Variants in TUBB8B observed in about 807,000 individuals in gnomAD.
TUBB8B encodes the protein HSA18p11 beta-tubulin 4Q pseudogene.
A neutral mutation model predicts 31.9 loss-of-function variants in TUBB8B; 26 were observed. The observed-to-expected ratio is 0.81, with a 90% CI of 0.60 to 1.13. The LOEUF is 1.13. Among genes scored for constraint, TUBB8B ranks in the 50% most tolerant of loss-of-function variants. The pLI is 0.00. For missense variants in TUBB8B, 467 were observed against 586.7 expected (o/e 0.80, Z 2.11); for synonymous variants, 173 against 231.0 (o/e 0.75, Z 2.28).
chr18:49,899 G>T (rs186758843), upstream of TUBB8B: 1 of 507,674 alleles, frequency 2.0e-6, no homozygotes, highest in Non-Finnish European at 3.8e-6. Context: ...AGGGGAAGAC[G>T]CTTGTTTCCA....
rs765688512 is a variant in TUBB8B at position 47,969 on chromosome 18, C to T, written c.756G>A (p.Lys252=). 6.2e-7 allele frequency: 1 copy of T among 1,602,358 alleles called. No homozygotes were observed. Among genetic ancestry groups the T allele is most frequent in the Admixed American group, 1.7e-5 (1 of 58,766 alleles). ...GAAACGGGACCATGTTCACGGCCAG[C>T]TTCCGCAGGTCAGCATTCAGCTGGC... The part of the protein sequence containing the change: ...FPGQLNADLR[K]LAVNMVPFPR... The change falls in exon 4 of 4, where the codon AAG becomes AAA. Residue 252 remains lysine (K), a synonymous_variant. Transcript: ENST00000308911.
chr18:56,653 GTA>G, the TUBB8B span, among the ~76,000 whole-genome samples: 1 of 151,762 alleles, frequency 6.6e-6, no homozygotes, highest in African/African-American at 2.4e-5. Context: ...CTACTGATTT[GTA>G]TATGTTAATT....
chr18:55,307 G>A, the TUBB8B span, among the ~76,000 whole-genome samples: 4 of 151,826 alleles, frequency 2.6e-5, no homozygotes, highest in Middle Eastern at 3.4e-3. Context: ...CACCATCTTG[G>A]CCAGGCTGGT....
chr18:51,100 G>T (rs1430517252), upstream of TUBB8B, among the ~76,000 whole-genome samples: 1 of 151,886 alleles, frequency 6.6e-6, no homozygotes, highest in Non-Finnish European at 1.5e-5. Context: ...AGCTGAGGTC[G>T]AGGCCAGCAA....
At chr18:58,530 A>C in the TUBB8B span, among the ~76,000 whole-genome samples, 1 of 151,680 alleles carries the variant, frequency 6.6e-6, no homozygotes, top group African/African-American at 2.4e-5. Flanking sequence ...GATCCTAATA[A>C]GTTTCTAATT....
chr18:72,828 G>A, the TUBB8B span, among the ~76,000 whole-genome samples: 2 of 152,034 alleles, frequency 1.3e-5, no homozygotes, highest in Admixed American at 6.6e-5. Flanking sequence ...TTAGCCGGGC[G>A]TGGTGGTGCA....
the TUBB8B span, among the ~76,000 whole-genome samples, chr18:72,847 A>G: frequency 1.3e-5 from 2 of 152,080 alleles, no homozygotes; most frequent in Non-Finnish European, 2.9e-5. Context: ...CATGCCTGTA[A>G]TCCCAGCTAC....
chr18:70,274 G>A, the TUBB8B span, among the ~76,000 whole-genome samples: 1 of 152,172 alleles, frequency 6.6e-6, no homozygotes, highest in Non-Finnish European at 1.5e-5. Flanking sequence ...CTAAAATAAG[G>A]AAAATTTAAA....
chr18:49,221 G>C lies in TUBB8B; in HGVS notation c.74C>G (p.Ser25Cys). Residue 25 changes from serine to cysteine, a missense_variant, in exon 2 of 4, where the codon TCT becomes TGT. Transcript: ENST00000308911. ...AGCGGAGTCGATGGCATGTTCATCA[G>C]AGATCACCTCCCAGAACTGCAAGAG... ...QIGAKFWEVISDEHAIDSAGT... is the reference protein window; with the variant it reads ...QIGAKFWEVICDEHAIDSAGT... 1 of 1,536,308 alleles carries C rather than the reference G, an allele frequency of 6.5e-7. No individual in the cohort carries two copies. The highest frequency in any genetic ancestry group is 8.7e-7 in the Non-Finnish European group (1 of 1,145,502).
chr18:64,116 C>A, the TUBB8B span, among the ~76,000 whole-genome samples: 1 of 152,104 alleles, frequency 6.6e-6, no homozygotes, highest in Non-Finnish European at 1.5e-5. Flanking sequence ...AACCCTTAAC[C>A]CTAACACTAA....
the TUBB8B span, among the ~76,000 whole-genome samples, chr18:58,554 T>C: frequency 1.3e-5 from 2 of 151,746 alleles, no homozygotes; most frequent in African/African-American, 2.4e-5. Context: ...ATCTGAGACC[T>C]CCTCAGCTCA....
the TUBB8B span, among the ~76,000 whole-genome samples, chr18:55,507 TC>T: frequency 6.6e-6 from 1 of 151,672 alleles, no homozygotes; most frequent in Non-Finnish European, 1.5e-5. Flanking sequence ...AGGCACCTCT[TC>T]CATGATGGCA....
At chr18:48,700 C>T (rs1051472938) in intron 3 of TUBB8B, 6 of 671,132 alleles carry the variant, frequency 8.9e-6, no homozygotes, top group African/African-American at 3.5e-5. Context: ...TCAGGAAAGG[C>T]AGTAGCCACG....
rs750331352 is a variant in TUBB8B at position 49,578 on chromosome 18, G to A, written c.-21C>T. On this transcript the variant is annotated 5_prime_UTR_variant, in exon 1 of 4. Coordinates refer to ENST00000308911, the MANE Select transcript of TUBB8B (RefSeq NM_001358689.2). ...CTCATGGCCAAGGCAGGATTAGGGC[G>A]GCAGCAGAAGCGCGAGAAGGAGGAG... is the stretch of plus-strand genomic sequence containing the variant. The A allele has an allele frequency of 2.5e-5, 20 of 798,762 alleles. 1 individual carries two copies. Among genetic ancestry groups the A allele is most frequent in the East Asian group, 1.1e-4 (4 of 36,186 alleles). The allele number at this position is 798,762 out of a possible 1,614,324, so 49.5% of individuals were successfully genotyped here.
Position 49,207 on chromosome 18 carries a change from T to C in TUBB8B, c.88A>G (p.Ile30Val), listed in dbSNP as rs1257827186. 1.9e-6 allele frequency: 3 copies of C among 1,538,594 alleles called. No homozygotes were observed. The highest frequency in any genetic ancestry group is 1.7e-6 in the Non-Finnish European group (2 of 1,147,564). ...CCGTGGTAGGTGCCAGCGGAGTCGA[T>C]GGCATGTTCATCAGAGATCACCTCC... is the stretch of plus-strand genomic sequence containing the variant. ...FWEVISDEHA[I>V]DSAGTYHGDS... The change falls in exon 2 of 4, where the codon ATC becomes GTC. Residue 30 changes from isoleucine (I) to valine (V), a missense_variant. Around this residue, in one of 2 missense-constraint regions of TUBB8B, gnomAD observed 259 missense variants for 380.1 expected, o/e 0.68. Transcript: ENST00000308911.
the TUBB8B span, among the ~76,000 whole-genome samples, chr18:55,996 A>T: frequency 6.6e-6 from 1 of 151,738 alleles, no homozygotes; most frequent in Non-Finnish European, 1.5e-5. Context: ...ATTCATTTTA[A>T]TTTGATTTTT....
At chr18:54,738 T>C in the TUBB8B span, among the ~76,000 whole-genome samples, 392 of 128,668 alleles carry the variant, frequency 3.0e-3, no homozygotes, top group African/African-American at 5.5e-3. Context: ...GAATAGTACT[T>C]CATTGTGTAT....
rs562979399 is a variant in TUBB8B at position 47,911 on chromosome 18, G to T, written c.814C>A (p.Pro272Thr). ...TGCTGGCTGCCCCGGCTGGTCAGTG[G>T]GGCAAAGCCGGGCATGAAGAAATGC... Reference protein sequence around the residue: ...RLHFFMPGFAPLTSRGSQQYR... With the variant: ...RLHFFMPGFATLTSRGSQQYR... The change falls in exon 4 of 4, where the codon CCA becomes ACA. Residue 272 changes from proline (P) to threonine (T), a missense_variant. Pro to Thr is a conservative substitution (Grantham distance 38). Transcript: ENST00000308911. 2.5e-6 allele frequency: 4 copies of T among 1,583,650 alleles called. No homozygotes were observed. In the Admixed American group the frequency reaches 6.9e-5, roughly 27 times the overall value.
upstream of TUBB8B, chr18:49,839 T>A: frequency 1.7e-6 from 1 of 581,736 alleles, no homozygotes; most frequent in Non-Finnish European, 3.2e-6. Flanking sequence ...ACGTCTTTAG[T>A]AAGACTAGAT....
Sources: gnomAD v4.1 joint callset for allele counts (sites outside exome capture counted in the v4.1 genomes callset) on GRCh38, gnomAD v4.1.1 for gene constraint, gnomAD v4.1.1 regional missense constraint, MANE v1.5 for transcripts, NCBI Gene and HGNC (gene_info 2026-07-23, HGNC 2026-07-21) for gene names.